ARID1B: variants seen among roughly 807,000 people sequenced by gnomAD.
ARID1B encodes the protein AT-rich interactive domain-containing protein 1B.
ARID1B carries 30 observed loss-of-function variants against 212.3 expected under a neutral mutation model. The observed-to-expected ratio is 0.14, with a 90% confidence interval of 0.11 to 0.19. The LOEUF is 0.19. Among genes scored for constraint, ARID1B ranks in the 10% least tolerant of loss-of-function variants. ARID1B has a pLI of 1.00. For missense variants in ARID1B, 2,891 were observed against 3,204.0 expected (o/e 0.90, Z 2.36); for synonymous variants, 1,402 against 1,301.7 (o/e 1.08, Z -1.66).
rs190173514 is a variant in ARID1B at position 157,208,223 on chromosome 6, G to A, written c.*332G>A. On this transcript the variant is annotated 3_prime_UTR_variant, in exon 20 of 20. Coordinates refer to ENST00000636930, the MANE Select transcript of ARID1B (RefSeq NM_001374828.1). ...TTCCCATGTTGTATTGCATTTTTGG[G>A]GGAAGCAAATTGACTTTAAAGAAAA... 14 of 257,920 alleles carry A rather than the reference G, an allele frequency of 5.4e-5. No homozygotes were observed. In the East Asian group the frequency reaches 8.0e-4, roughly 15 times the overall value. 16.0% of individuals were successfully genotyped at this position (257,920 alleles called of 1,614,324 possible).
At chr6:157,057,554 G>A (rs939514068) in intron 4 of ARID1B, among the ~76,000 whole-genome samples, 1 of 152,116 alleles carries the variant, frequency 6.6e-6, no homozygotes, top group African/African-American at 2.4e-5. Context: ...CTCCCAAGTA[G>A]CTGGGATTGC....
chr6:156,913,581 A>G (rs549311361), intron 3 of ARID1B, among the ~76,000 whole-genome samples: 1 of 152,190 alleles, frequency 6.6e-6, no homozygotes, highest in Admixed American at 6.5e-5. Context: ...GATCTCTTGA[A>G]CTTATTCTTC....
At chr6:156,807,899 GA>G (rs1291754270) in intron 1 of ARID1B, among the ~76,000 whole-genome samples, 1 of 152,224 alleles carries the variant, frequency 6.6e-6, no homozygotes, top group Non-Finnish European at 1.5e-5. Flanking sequence ...CAGTTGGCAG[GA>G]TTTGCCCGGA....
At chr6:156,909,722 C>T (rs188005808) in intron 3 of ARID1B, among the ~76,000 whole-genome samples, 22 of 152,304 alleles carry the variant, frequency 1.4e-4, no homozygotes, top group African/African-American at 5.1e-4. Flanking sequence ...TGTGGCTTAA[C>T]TTGCTCATCT....
intron 3 of ARID1B, among the ~76,000 whole-genome samples, chr6:156,921,597 C>T (rs1790806977): frequency 6.6e-6 from 1 of 152,002 alleles, no homozygotes; most frequent in Admixed American, 6.6e-5. Flanking sequence ...AAAGTTGATA[C>T]TAATTGGATG....
intron 7 of ARID1B, among the ~76,000 whole-genome samples, chr6:157,135,660 GC>G (rs1788855991): frequency 6.6e-6 from 1 of 152,182 alleles, no homozygotes. Flanking sequence ...CCGCCTTGGA[GC>G]CTCCTGTCCT....
chr6:157,048,495 G>A (rs1782386282), intron 4 of ARID1B, among the ~76,000 whole-genome samples: 1 of 152,118 alleles, frequency 6.6e-6, no homozygotes, highest in Admixed American at 6.5e-5. Context: ...AAAATAACAA[G>A]TTTGGAAGGA....
chr6:157,061,299 G>A (rs1162505524), intron 4 of ARID1B, among the ~76,000 whole-genome samples: 1 of 152,182 alleles, frequency 6.6e-6, no homozygotes, highest in Admixed American at 6.5e-5. Context: ...TTAAATGGGA[G>A]CAATAATAGT....
intron 2 of ARID1B, among the ~76,000 whole-genome samples, chr6:156,851,199 C>G (rs779472037): frequency 9.9e-5 from 15 of 152,118 alleles, no homozygotes; most frequent in Non-Finnish European, 1.8e-4. Context: ...CCAGAGCCCC[C>G]CTGCAAGCAC....
chr6:157,077,448 C>A (rs1317076394), intron 4 of ARID1B, among the ~76,000 whole-genome samples: 1 of 152,100 alleles, frequency 6.6e-6, no homozygotes, highest in Non-Finnish European at 1.5e-5. Flanking sequence ...GGCTCCGGAG[C>A]CTCACCCTCT....
rs201012646 is a variant in ARID1B, at chr6:157,057,446, CTG to C, written c.2248-27214_2248-27213del. Among the ~76,000 whole-genome samples the C allele has an allele frequency of 3.3e-3, 498 of 152,056 alleles. 19 individuals carry two copies. In the East Asian group the frequency reaches 0.091, roughly 28 times the overall value. On this transcript the variant is annotated intron_variant, in intron 4 of 19. Coordinates refer to ENST00000636930, the MANE Select transcript of ARID1B (RefSeq NM_001374828.1). ...TATATGTATATACACACATCTATAACTGTATAGATGAGATAGATAGTTATGTA... is the reference window on the plus strand; with the variant it reads ...TATATGTATATACACACATCTATAACTATAGATGAGATAGATAGTTATGTA...
intron 4 of ARID1B, among the ~76,000 whole-genome samples, chr6:156,971,474 C>A (rs1776920569): frequency 6.6e-6 from 1 of 152,166 alleles, no homozygotes; most frequent in Admixed American, 6.5e-5. Flanking sequence ...TAACTAGATA[C>A]ATTAGACAAC....
chr6:157,158,218 G>A (rs1249332887), intron 8 of ARID1B, among the ~76,000 whole-genome samples: 1 of 152,190 alleles, frequency 6.6e-6, no homozygotes, highest in Non-Finnish European at 1.5e-5. Flanking sequence ...CAGCTTGCAA[G>A]CCTTGCCTAA....
intron 2 of ARID1B, chr6:156,871,686 A>C (rs767987639): frequency 1.2e-6 from 2 of 1,605,936 alleles, no homozygotes; most frequent in East Asian, 4.5e-5. Flanking sequence ...TACTTGCTCC[A>C]AGTCTTTGGG....
At chr6:156,921,714 C>G (rs1790818400) in intron 3 of ARID1B, among the ~76,000 whole-genome samples, 1 of 152,012 alleles carries the variant, frequency 6.6e-6, no homozygotes, top group African/African-American at 2.4e-5. Context: ...GTAAAAAGTT[C>G]AAAAAGTAAT....
chr6:156,931,922 A>T (rs948322827), intron 3 of ARID1B, among the ~76,000 whole-genome samples: 3 of 145,946 alleles, frequency 2.1e-5, no homozygotes, highest in African/African-American at 7.6e-5. Flanking sequence ...AGATTGCGCG[A>T]TGCACTCCAG....
intron 6 of ARID1B, among the ~76,000 whole-genome samples, chr6:157,113,813 C>T (rs780707433): frequency 2.0e-5 from 3 of 152,174 alleles, no homozygotes; most frequent in East Asian, 1.9e-4. Context: ...ATGACTGTTA[C>T]GTTAGAAGAT....
intron 1 of ARID1B, among the ~76,000 whole-genome samples, chr6:156,806,517 A>C (rs1474948189): frequency 6.6e-6 from 1 of 152,222 alleles, no homozygotes; most frequent in Non-Finnish European, 1.5e-5. Flanking sequence ...TTGCTTAATA[A>C]TACTACTTTA....
At chr6:156,883,359 G>A (rs1466890918) in intron 2 of ARID1B, among the ~76,000 whole-genome samples, 2 of 152,280 alleles carry the variant, frequency 1.3e-5, no homozygotes, top group South Asian at 2.1e-4. Context: ...GGGACTTGGT[G>A]ATCTGAGAGC....
Sources: allele counts gnomAD v4.1 joint callset (sites outside exome capture counted in the v4.1 genomes callset), GRCh38; gene constraint gnomAD v4.1.1; transcripts MANE v1.5; gene names NCBI Gene and HGNC (gene_info 2026-07-23, HGNC 2026-07-21).